ZNF385D: variants seen among roughly 807,000 people sequenced by gnomAD.
ZNF385D encodes the protein zinc finger protein 385D.
ZNF385D carries 15 observed loss-of-function variants against 35.8 expected under a neutral mutation model. The observed-to-expected ratio is 0.42, with a 90% CI of 0.28 to 0.64. The LOEUF (loss-of-function observed/expected upper bound fraction) is 0.64, where lower values mean the gene tolerates loss of function less well. Ranked by LOEUF, ZNF385D falls within the 30% of genes least tolerant of loss-of-function variation. The pLI is 0.23. For synonymous variants in ZNF385D, 212 were observed against 186.8 expected (o/e 1.13, Z -1.10); for missense variants, 474 against 494.6 (o/e 0.96, Z 0.39).
intron 2 of ZNF385D, among the ~76,000 whole-genome samples, chr3:21,591,714 T>C (rs975452642): frequency 6.6e-6 from 1 of 152,150 alleles, no homozygotes; most frequent in Non-Finnish European, 1.5e-5. Flanking sequence ...CCTAAACTCA[T>C]TCACTCTGTC....
intron 2 of ZNF385D, among the ~76,000 whole-genome samples, chr3:22,318,189 A>T (rs1235853185): frequency 6.6e-6 from 1 of 152,208 alleles, no homozygotes; most frequent in Non-Finnish European, 1.5e-5. Context: ...CTAGGGGTGG[A>T]GAATAACTGA....
chr3:22,087,798 G>T (rs181250153), intron 3 of ZNF385D, among the ~76,000 whole-genome samples: 4 of 152,290 alleles, frequency 2.6e-5, no homozygotes, highest in Admixed American at 2.6e-4. Flanking sequence ...AAAAGAAGAT[G>T]TAACAGTGAG....
intron 2 of ZNF385D, among the ~76,000 whole-genome samples, chr3:22,353,798 T>C (rs1696025975): frequency 6.6e-6 from 1 of 152,118 alleles, no homozygotes; most frequent in South Asian, 2.1e-4. Context: ...CACTTTCCTA[T>C]TAACTGAGCA....
At chr3:21,784,459 A>T (rs1361887681) in intron 3 of ZNF385D, among the ~76,000 whole-genome samples, 1 of 152,134 alleles carries the variant, frequency 6.6e-6, no homozygotes, top group African/African-American at 2.4e-5. Flanking sequence ...TGGAAGCGAT[A>T]AAGAAATTCA....
chr3:21,660,576 G>A (rs1429315394), intron 2 of ZNF385D, among the ~76,000 whole-genome samples: 1 of 152,124 alleles, frequency 6.6e-6, no homozygotes, highest in South Asian at 2.1e-4. Flanking sequence ...GTTAGAATAT[G>A]AAGAAAATAC....
chr3:22,250,907 A>T (rs1055825185), intron 2 of ZNF385D, among the ~76,000 whole-genome samples: 2 of 152,082 alleles, frequency 1.3e-5, no homozygotes, highest in Admixed American at 6.6e-5. Flanking sequence ...GAACTTTATT[A>T]ATGAGGACTT....
At chr3:21,562,816 T>C (rs1456058957) in intron 3 of ZNF385D, among the ~76,000 whole-genome samples, 1 of 93,882 alleles carries the variant, frequency 1.1e-5, no homozygotes, top group African/African-American at 4.4e-5. Context: ...CTCTTATTTA[T>C]GTATTAAGAG....
chr3:22,039,610 A>T (rs994582268), intron 3 of ZNF385D, among the ~76,000 whole-genome samples: 2 of 152,120 alleles, frequency 1.3e-5, no homozygotes, highest in African/African-American at 4.8e-5. Context: ...TTGACCTACA[A>T]AATGACAATT....
intron 3 of ZNF385D, among the ~76,000 whole-genome samples, chr3:21,983,864 G>C (rs1489418737): frequency 8.4e-6 from 1 of 118,708 alleles, no homozygotes; most frequent in African/African-American, 3.7e-5. Flanking sequence ...ATTCTAACTG[G>C]TGTGAGATGA....
intron 3 of ZNF385D, among the ~76,000 whole-genome samples, chr3:21,828,298 G>A (rs1694782125): frequency 6.6e-6 from 1 of 152,198 alleles, no homozygotes; most frequent in Non-Finnish European, 1.5e-5. Context: ...TTGAATGTCA[G>A]TTTCAGGGAA....
At chr3:22,078,678 T>C (rs1390624587) in intron 3 of ZNF385D, among the ~76,000 whole-genome samples, 1 of 152,072 alleles carries the variant, frequency 6.6e-6, no homozygotes, top group Non-Finnish European at 1.5e-5. Flanking sequence ...AATCAGTGTG[T>C]TTTCAAGATA....
At chr3:22,041,265 G>A (rs373424149) in intron 3 of ZNF385D, among the ~76,000 whole-genome samples, 26 of 152,184 alleles carry the variant, frequency 1.7e-4, no homozygotes, top group African/African-American at 6.0e-4. Context: ...CTCTGAAATA[G>A]GCCATGTGTT....
At chr3:21,703,503 A>T (rs1355033611) in intron 1 of ZNF385D, among the ~76,000 whole-genome samples, 1 of 152,008 alleles carries the variant, frequency 6.6e-6, no homozygotes, top group Non-Finnish European at 1.5e-5. Context: ...GTTGCCTCAA[A>T]CCCTTCCCAA....
Position 21,716,511 on chromosome 3 carries a change from T to G in ZNF385D, c.22+34384A>C, listed in dbSNP as rs1434830984. Among the ~76,000 whole-genome samples the G allele has an allele frequency of 3.9e-5, 6 of 152,166 alleles. No individual in the cohort carries two copies. The East Asian group carries it at 1.2e-3, about 29-fold the overall frequency. ...CTGACATACCAGAGACAGTTTTCCCTCAGGACTTCCACAATGACTATGAAT... is the reference window on the plus strand; with the variant it reads ...CTGACATACCAGAGACAGTTTTCCCGCAGGACTTCCACAATGACTATGAAT... On this transcript the variant is annotated intron_variant, in intron 1 of 7. Transcript: ENST00000281523.
chr3:21,623,330 A>G (rs965040548), intron 2 of ZNF385D, among the ~76,000 whole-genome samples: 4 of 152,114 alleles, frequency 2.6e-5, no homozygotes, highest in African/African-American at 9.7e-5. Flanking sequence ...TTAATAACCG[A>G]TCTCAGGGAA....
At chr3:22,075,989 C>A (rs1188428645) in intron 3 of ZNF385D, among the ~76,000 whole-genome samples, 1 of 151,914 alleles carries the variant, frequency 6.6e-6, no homozygotes, top group Non-Finnish European at 1.5e-5. Context: ...GACAGCAAGT[C>A]CTACAAATGC....
At chr3:22,142,642 T>C (rs1319991453) in intron 3 of ZNF385D, among the ~76,000 whole-genome samples, 2 of 152,030 alleles carry the variant, frequency 1.3e-5, no homozygotes, top group African/African-American at 4.8e-5. Context: ...ACTAGATCAA[T>C]CCAAGTCATT....
chr3:21,827,640 A>T (rs1694726845), intron 3 of ZNF385D, among the ~76,000 whole-genome samples: 1 of 152,236 alleles, frequency 6.6e-6, no homozygotes, highest in East Asian at 1.9e-4. Flanking sequence ...TAGCCACAGC[A>T]TCTTACATTA....
chr3:21,795,024 T>C (rs892644764), intron 3 of ZNF385D, among the ~76,000 whole-genome samples: 2 of 152,234 alleles, frequency 1.3e-5, no homozygotes, highest in Non-Finnish European at 2.9e-5. Flanking sequence ...GTGTCCGCTG[T>C]AGGTTCAGTG....
Sources: gnomAD v4.1 joint callset for allele counts (sites outside exome capture counted in the v4.1 genomes callset) on GRCh38, gnomAD v4.1.1 for gene constraint, MANE v1.5 for transcripts, NCBI Gene and HGNC (gene_info 2026-07-23, HGNC 2026-07-21) for gene names.